SIPA1L1: variants seen among roughly 807,000 people sequenced by gnomAD.
The protein encoded by SIPA1L1 is signal induced proliferation associated 1 like 1, also known as signal-induced proliferation-associated 1-like protein 1.
A neutral mutation model predicts 162.7 loss-of-function variants in SIPA1L1; 26 were observed. The ratio of observed to expected loss-of-function variants is 0.16; its 90% CI spans 0.12 to 0.22. SIPA1L1 has a LOEUF of 0.22. Among genes scored for constraint, SIPA1L1 ranks in the 10% least tolerant of loss-of-function variants. The pLI is 1.00. For synonymous variants in SIPA1L1, 829 were observed against 837.4 expected (o/e 0.99, Z 0.17); for missense variants, 1,874 against 2,241.0 (o/e 0.84, Z 3.31).
intron 4 of SIPA1L1, among the ~76,000 whole-genome samples, chr14:71,563,410 C>A (rs999655662): frequency 5.3e-5 from 8 of 150,910 alleles, no homozygotes; most frequent in African/African-American, 1.9e-4. Flanking sequence ...TTTCTTAATA[C>A]AAACTGAGGT....
intron 4 of SIPA1L1, among the ~76,000 whole-genome samples, chr14:71,542,503 G>A (rs1027827280): frequency 4.0e-4 from 54 of 134,518 alleles, no homozygotes; most frequent in Non-Finnish European, 7.2e-4. Context: ...TCTTCTCCTC[G>A]TCGTCCTTCC....
chr14:71,632,384 A>T (rs1005290397), intron 7 of SIPA1L1, among the ~76,000 whole-genome samples: 6 of 152,208 alleles, frequency 3.9e-5, no homozygotes, highest in Non-Finnish European at 7.3e-5. Flanking sequence ...AAAGGACCAA[A>T]AAAAACAAAC....
chr14:71,572,515 G>T (rs752896254), intron 4 of SIPA1L1, among the ~76,000 whole-genome samples: 49 of 152,272 alleles, frequency 3.2e-4, no homozygotes, highest in Non-Finnish European at 6.0e-4. Context: ...AATGAAATCT[G>T]GGAGACGTGG....
chr14:71,677,867 G>A (rs1228351168), intron 12 of SIPA1L1, among the ~76,000 whole-genome samples: 1 of 152,154 alleles, frequency 6.6e-6, no homozygotes, highest in East Asian at 1.9e-4. Flanking sequence ...TGCTGTTTTG[G>A]TTACTGTAGC....
intron 16 of SIPA1L1, 36 bp downstream of exon 16, chr14:71,705,376 C>G (rs2082364073): frequency 1.4e-6 from 2 of 1,410,516 alleles, no homozygotes; most frequent in Admixed American, 3.3e-5. Context: ...GTATTAGATT[C>G]CTAGCAGTGT....
In SIPA1L1 at chr14:71,618,897, A is replaced by G. The variant is rs1189197947; in HGVS notation, c.1629+10A>G. The stretch of plus-strand genomic sequence containing the variant: ...TTTTAGAACTAGTGAGGTAAGTCGC[A>G]AATGAGAGAGGTTTGAGGTTTAACT... On this transcript the variant is annotated intron_variant, in intron 6 of 23. Transcript: ENST00000381232. 2 of 1,612,416 alleles carry G rather than the reference A, an allele frequency of 1.2e-6. No individual in the cohort carries two copies. Among genetic ancestry groups the G allele is most frequent in the East Asian group, 4.5e-5 (2 of 44,834 alleles).
intron 4 of SIPA1L1, among the ~76,000 whole-genome samples, chr14:71,577,153 C>T (rs773294295): frequency 2.0e-5 from 3 of 151,764 alleles, no homozygotes; most frequent in Non-Finnish European, 2.9e-5. Context: ...ACATGACTAC[C>T]ATAGCATTTT....
chr14:71,356,854 T>G (rs1167228462), intron 2 of SIPA1L1, among the ~76,000 whole-genome samples: 1 of 152,082 alleles, frequency 6.6e-6, no homozygotes, highest in Non-Finnish European at 1.5e-5. Context: ...TCCAGGGTTT[T>G]TTTTTTTTAA....
chr14:71,465,920 C>T (rs938377654), intron 2 of SIPA1L1, among the ~76,000 whole-genome samples: 11 of 152,180 alleles, frequency 7.2e-5, no homozygotes, highest in African/African-American at 1.9e-4. Flanking sequence ...AGGCCAGTCT[C>T]GCCTTTTCAC....
intron 4 of SIPA1L1, among the ~76,000 whole-genome samples, chr14:71,554,651 G>C (rs1277232058): frequency 6.6e-6 from 1 of 152,168 alleles, no homozygotes; most frequent in African/African-American, 2.4e-5. Flanking sequence ...ACAACATCCT[G>C]TGATTTGATT....
At chr14:71,605,072 TTTA>T (rs780032099) in intron 5 of SIPA1L1, among the ~76,000 whole-genome samples, 28 of 152,052 alleles carry the variant, frequency 1.8e-4, no homozygotes, top group Non-Finnish European at 3.5e-4. Context: ...TTTGCATTTT[TTTA>T]TTCTTTTTTT....
chr14:71,636,575 G>T (rs1342295962), intron 7 of SIPA1L1, among the ~76,000 whole-genome samples: 1 of 152,154 alleles, frequency 6.6e-6, no homozygotes, highest in Non-Finnish European at 1.5e-5. Flanking sequence ...AGTATGAAAT[G>T]CTGCGTTAGA....
chr14:71,496,069 AAAG>A (rs1420317121), intron 2 of SIPA1L1, among the ~76,000 whole-genome samples: 1 of 114,262 alleles, frequency 8.8e-6, no homozygotes, highest in East Asian at 4.2e-4. Flanking sequence ...TCTTAAAAAA[AAAG>A]AAAAAAAAAA....
intron 3 of SIPA1L1, 140 bp downstream of exon 3, chr14:71,512,985 C>G (rs1212262811): frequency 6.6e-6 from 1 of 152,362 alleles, no homozygotes; most frequent in Admixed American, 6.5e-5. Context: ...CCCCAACCCC[C>G]TCAAGTTGTC....
chr14:71,509,935 C>G lies in SIPA1L1; in HGVS notation c.-464-2808C>G, dbSNP rs150120129. ...TTCTGGATTGGTTTCTGTGAATCTC[C>G]TGGGTTTTTTTGGAAACACTGGCCT... On this transcript the variant is annotated intron_variant, in intron 2 of 23. Coordinates refer to ENST00000381232, the MANE Select transcript of SIPA1L1 (RefSeq NM_001386936.1). Among the ~76,000 whole-genome samples, 57 of 152,120 alleles carry G rather than the reference C, an allele frequency of 3.7e-4. No homozygotes were observed. The East Asian group carries it at 0.01, about 27-fold the overall frequency.
At chr14:71,460,183 A>G (rs75177788) in intron 2 of SIPA1L1, among the ~76,000 whole-genome samples, 9,660 of 152,298 alleles carry the variant, frequency 0.063, 397 homozygotes, top group African/African-American at 0.1. Context: ...CCTTGTTTCT[A>G]TAGCTGACCA....
Position 71,515,708 on chromosome 14 carries a change from G to C in SIPA1L1, c.-362+2863G>C, listed in dbSNP as rs550655626. Among the ~76,000 whole-genome samples the C allele has an allele frequency of 2.3e-4, 35 of 152,042 alleles. 1 individual carries two copies. The highest frequency in any genetic ancestry group is 1.5e-5 in the Non-Finnish European group (1 of 67,990). On this transcript the variant is annotated intron_variant, in intron 3 of 23. Transcript: ENST00000381232. ...CTCCCACGCTCTACTGCAGTGGCGC[G>C]ATCTCAGCAACTTCTACCTCCTGGA...
intron 2 of SIPA1L1, among the ~76,000 whole-genome samples, chr14:71,437,455 C>CT (rs1161183770): frequency 6.6e-6 from 1 of 152,154 alleles, no homozygotes; most frequent in Non-Finnish European, 1.5e-5. Context: ...GCAACCTCTG[C>CT]CTCTGTGGTT....
chr14:71,732,354 C>A (rs2150356625), intron 20 of SIPA1L1, among the ~76,000 whole-genome samples: 1 of 152,300 alleles, frequency 6.6e-6, no homozygotes, highest in South Asian at 2.1e-4. Flanking sequence ...GTGTCGCAGT[C>A]ACCTTCCAAG....
Sources: gnomAD v4.1 joint callset for allele counts (sites outside exome capture counted in the v4.1 genomes callset) on GRCh38, gnomAD v4.1.1 for gene constraint, MANE v1.5 for transcripts, NCBI Gene and HGNC (gene_info 2026-07-23, HGNC 2026-07-21) for gene names.